Variants in MAP2K1 observed in about 807,000 individuals in gnomAD.
MAP2K1 encodes the protein dual specificity mitogen-activated protein kinase kinase 1.
In MAP2K1, 16 loss-of-function variants were observed where a neutral mutation model predicts 46.3. The ratio of observed to expected loss-of-function variants is 0.35; its 90% CI spans 0.23 to 0.52. The LOEUF (loss-of-function observed/expected upper bound fraction) is 0.52, where lower values mean the gene tolerates loss of function less well. Among genes scored for constraint, MAP2K1 ranks in the 20% least tolerant of loss-of-function variants. The pLI, the probability that MAP2K1 is intolerant of heterozygous loss-of-function variation, is 0.94. For synonymous variants in MAP2K1, 183 were observed against 185.6 expected, an observed-to-expected ratio of 0.99 and a Z score of 0.11; for missense variants, 263 against 497.1, an observed-to-expected ratio of 0.53 and a Z score of 4.48.
chr15:66,409,674 ACT>A (rs1188511432), intron 1 of MAP2K1, among the ~76,000 whole-genome samples: 4 of 152,054 alleles, frequency 2.6e-5, no homozygotes, highest in African/African-American at 9.7e-5. Flanking sequence ...ATTCTATAAC[ACT>A]CTCTGGATAA....
chr15:66,438,500 A>G (rs749754846), intron 3 of MAP2K1, among the ~76,000 whole-genome samples: 1 of 152,120 alleles, frequency 6.6e-6, no homozygotes, highest in Non-Finnish European at 1.5e-5. Flanking sequence ...TTCTTTATTC[A>G]CTTTGAACTT....
chr15:66,395,672 G>A (rs2093365936), intron 1 of MAP2K1, among the ~76,000 whole-genome samples: 1 of 150,648 alleles, frequency 6.6e-6, no homozygotes, highest in Non-Finnish European at 1.5e-5. Flanking sequence ...TGCCCACTGG[G>A]CTCAAGTGAG....
intron 1 of MAP2K1, among the ~76,000 whole-genome samples, chr15:66,427,875 G>A (rs1201830048): frequency 3.3e-5 from 5 of 152,010 alleles, no homozygotes; most frequent in African/African-American, 7.2e-5. Flanking sequence ...TTAGCCGGGC[G>A]TGGTGGCAGG....
intron 1 of MAP2K1, among the ~76,000 whole-genome samples, chr15:66,430,762 A>G (rs2093473222): frequency 6.6e-6 from 1 of 152,198 alleles, no homozygotes; most frequent in African/African-American, 2.4e-5. Context: ...TGAGCCACAA[A>G]TGAAAGGTTC....
chr15:66,411,643 A>G (rs772332258), intron 1 of MAP2K1, among the ~76,000 whole-genome samples: 4 of 152,210 alleles, frequency 2.6e-5, no homozygotes, highest in African/African-American at 4.8e-5. Context: ...TGTTGTTTCA[A>G]TAGATTTTGT....
intron 3 of MAP2K1, among the ~76,000 whole-genome samples, chr15:66,437,600 A>T (rs2093491808): frequency 1.3e-5 from 2 of 152,088 alleles, no homozygotes. Flanking sequence ...CTCAGCTCCT[A>T]CCCCATTTTA....
In MAP2K1 at chr15:66,484,927, G is replaced by A. The variant is rs1029847283; in HGVS notation, c.694-63G>A. On this transcript the variant is annotated intron_variant, in intron 6 of 10. Transcript: ENST00000307102. Reference sequence around the variant, plus strand: ...ATTGAGAAGGGACAGAAGAGAAAATGCATTAGCAGACCCAGGGGTCCAAGT... The same window carrying A: ...ATTGAGAAGGGACAGAAGAGAAAATACATTAGCAGACCCAGGGGTCCAAGT... 13 of 1,307,080 alleles carry A rather than the reference G, an allele frequency of 9.9e-6. No individual in the cohort carries two copies. In the Admixed American group the frequency reaches 2.0e-4, roughly 20 times the overall value. The allele number at this position is 1,307,080 out of a possible 1,614,324, so 81.0% of individuals were successfully genotyped here. A position where few individuals can be genotyped will look rare whatever the true frequency, so the allele number is the denominator to read the frequency against.
intron 1 of MAP2K1, among the ~76,000 whole-genome samples, chr15:66,408,747 T>C (rs2140534390): frequency 6.6e-6 from 1 of 152,192 alleles, no homozygotes. Flanking sequence ...CTACTGGGGA[T>C]TCCCGTCTCC....
At chr15:66,388,159 T>C (rs546049926) in intron 1 of MAP2K1, among the ~76,000 whole-genome samples, 1 of 152,322 alleles carries the variant, frequency 6.6e-6, no homozygotes, top group Non-Finnish European at 1.5e-5. Flanking sequence ...CACCATGACC[T>C]AGAAACCACA....
chr15:66,392,209 C>G (rs888264740), intron 1 of MAP2K1, among the ~76,000 whole-genome samples: 9 of 134,844 alleles, frequency 6.7e-5, no homozygotes, highest in African/African-American at 2.3e-4. Flanking sequence ...GGGCAGTGAC[C>G]TTTTTGGAAG....
intron 4 of MAP2K1, 33 bp from the exon 5 acceptor site, chr15:66,444,623 A>G (rs1891813906): frequency 4.2e-6 from 6 of 1,444,924 alleles, no homozygotes; most frequent in South Asian, 2.3e-5. Flanking sequence ...TATCACCAGT[A>G]TTTTCTTTTC....
chr15:66,460,326 G>A (rs528249846), intron 5 of MAP2K1, among the ~76,000 whole-genome samples: 150 of 152,338 alleles, frequency 9.8e-4, no homozygotes, highest in Middle Eastern at 3.4e-3. Flanking sequence ...CTCCTTAAGA[G>A]AGGCTTAGAT....
intron 1 of MAP2K1, chr15:66,415,056 C>G (rs529831798): frequency 1.4e-4 from 72 of 502,212 alleles, no homozygotes; most frequent in Admixed American, 2.7e-4. Context: ...TGTCAATGCA[C>G]TGCTTGTAGT....
chr15:66,489,824 G>GTACT lies in MAP2K1; in HGVS notation c.1068+62_1068+63insACTT, dbSNP rs1567027822. On this transcript the variant is annotated intron_variant, in intron 10 of 10. Coordinates refer to ENST00000307102, the MANE Select transcript of MAP2K1 (RefSeq NM_002755.4). ...TTTATTCATTTGTTCTTCTCTGTCA[G>GTACT]TCATCTGTGCAGTACTTCCAGAGCC... is the stretch of plus-strand genomic sequence containing the variant. 19 of 1,401,600 alleles carry GTACT rather than the reference G, an allele frequency of 1.4e-5. No individual in the cohort carries two copies. In the South Asian group the frequency reaches 2.1e-4, roughly 15 times the overall value. The allele number at this position is 1,401,600 out of a possible 1,614,324, so 86.8% of individuals were successfully genotyped here.
At chr15:66,485,501 A>T (rs1405542728) in intron 7 of MAP2K1, among the ~76,000 whole-genome samples, 3 of 152,178 alleles carry the variant, frequency 2.0e-5, no homozygotes, top group Non-Finnish European at 4.4e-5. Flanking sequence ...TGCAGTGGCT[A>T]GTCACAGTCT....
At chr15:66,398,263 A>G (rs1317971520) in intron 1 of MAP2K1, among the ~76,000 whole-genome samples, 1 of 151,710 alleles carries the variant, frequency 6.6e-6, no homozygotes, top group Non-Finnish European at 1.5e-5. Context: ...CAAAAATACA[A>G]AAATTAGCCA....
At chr15:66,435,371 C>G in intron 2 of MAP2K1, 134 bp downstream of exon 2, 1 of 558,138 alleles carries the variant, frequency 1.8e-6, no homozygotes, top group Admixed American at 3.2e-5. Context: ...TTTTTTAAGA[C>G]GGAGTTTCAT....
At chr15:66,452,508 C>G (rs1049074104) in intron 5 of MAP2K1, among the ~76,000 whole-genome samples, 1 of 152,036 alleles carries the variant, frequency 6.6e-6, no homozygotes, top group Non-Finnish European at 1.5e-5. Flanking sequence ...GTATTAGTTT[C>G]TAGGAAATAG....
At chr15:66,399,959 T>C (rs954923272) in intron 1 of MAP2K1, among the ~76,000 whole-genome samples, 18 of 152,180 alleles carry the variant, frequency 1.2e-4, no homozygotes, top group Non-Finnish European at 2.2e-4. Context: ...TTGAGCATGA[T>C]GCTGAGGTTT....
Sources: allele counts gnomAD v4.1 joint callset (sites outside exome capture counted in the v4.1 genomes callset), GRCh38; gene constraint gnomAD v4.1.1; transcripts MANE v1.5; gene names NCBI Gene and HGNC (gene_info 2026-07-23, HGNC 2026-07-21).